The following MTUS2 variants were observed in gnomAD, a reference collection of about 807,000 sequenced individuals.
MTUS2 encodes the protein microtubule-associated tumor suppressor candidate 2.
In MTUS2, 40 loss-of-function variants were observed where a neutral mutation model predicts 114.1. That is an observed-to-expected ratio of 0.35 (90% CI 0.27 to 0.46). The LOEUF (loss-of-function observed/expected upper bound fraction) is 0.46. MTUS2 is among the 20% of genes least tolerant of loss of function. MTUS2 has a pLI of 1.00. For missense variants in MTUS2, 1,679 were observed against 1,705.4 expected, an observed-to-expected ratio of 0.98 and a Z score of 0.27; for synonymous variants, 688 against 672.0, an observed-to-expected ratio of 1.02 and a Z score of -0.37.
At chr13:28,943,478 G>T (rs1882353767) in intron 2 of MTUS2, among the ~76,000 whole-genome samples, 1 of 152,170 alleles carries the variant, frequency 6.6e-6, no homozygotes, top group African/African-American at 2.4e-5. Context: ...GTGCTGAGTT[G>T]CCAAATGTGG....
At chr13:28,917,315 T>C (rs1423128306) in intron 2 of MTUS2, among the ~76,000 whole-genome samples, 1 of 151,956 alleles carries the variant, frequency 6.6e-6, no homozygotes, top group Non-Finnish European at 1.5e-5. Context: ...CTCTCTTGTT[T>C]GGAATAGTTT....
chr13:29,343,301 G>A (rs1485740752), intron 7 of MTUS2, among the ~76,000 whole-genome samples: 3 of 151,824 alleles, frequency 2.0e-5, no homozygotes, highest in Admixed American at 6.6e-5. Context: ...TTTTCTTGTT[G>A]GCAATTTTTT....
intron 6 of MTUS2, among the ~76,000 whole-genome samples, chr13:29,324,285 C>T (rs1187811108): frequency 6.6e-6 from 1 of 152,108 alleles, no homozygotes; most frequent in African/African-American, 2.4e-5. Flanking sequence ...AAATTGGTGG[C>T]TGAGGATGTA....
chr13:29,097,089 A>G (rs1159140829), intron 4 of MTUS2, among the ~76,000 whole-genome samples: 1 of 152,110 alleles, frequency 6.6e-6, no homozygotes, highest in Non-Finnish European at 1.5e-5. Flanking sequence ...AAGATACTAT[A>G]GTCCTTGACT....
intron 9 of MTUS2, among the ~76,000 whole-genome samples, chr13:29,444,599 T>G (rs1037685629): frequency 3.9e-5 from 6 of 152,196 alleles, no homozygotes; most frequent in Admixed American, 3.9e-4. Context: ...CCTTATTAAG[T>G]ACAGTGAAGT....
At position 29,224,775 on chromosome 13, in the gene MTUS2, G is replaced by C. The variant is rs181753395; in HGVS notation, c.2645-56929G>C. ...ACAGGCTCATTTTGTTGTTGCTACT[G>C]TTTCTCTTTTTCCCACAATATTTGC... is the stretch of plus-strand genomic sequence containing the variant. On this transcript the variant is annotated intron_variant, in intron 5 of 15. Transcript: ENST00000612955. 8.5e-4 allele frequency among the ~76,000 whole-genome samples: 93 copies of C among 109,404 alleles called. 1 individual carries two copies. The South Asian group carries it at 0.024, about 28-fold the overall frequency. The allele number at this position is 109,404 out of a possible 152,430, so 71.8% of individuals were successfully genotyped here.
In MTUS2 at chr13:29,026,538, G is replaced by A; in HGVS notation, c.1840G>A (p.Gly614Arg). The change falls in exon 3 of 16, where the codon GGA (glycine) becomes AGA (arginine). Residue 614 changes from glycine (G) to arginine (R), a missense_variant. Gly to Arg is a moderately radical substitution (Grantham distance 125, BLOSUM62 -2). Transcript: ENST00000612955. Reference sequence around the variant, plus strand: ...CAAGGACACACCTTCCTCGCAGGAGGGAATGGAGAACTATCAGGTTGAAAA... The same window carrying A: ...CAAGGACACACCTTCCTCGCAGGAGAGAATGGAGAACTATCAGGTTGAAAA... Reference protein sequence around the residue: ...HSKDTPSSQEGMENYQVEKTE... With the variant: ...HSKDTPSSQERMENYQVEKTE... The A allele has an allele frequency of 6.2e-7, 1 of 1,613,936 alleles. No individual in the cohort carries two copies. Among genetic ancestry groups the A allele is most frequent in the East Asian group, 2.2e-5 (1 of 44,884 alleles).
At chr13:28,931,124 T>C (rs7324696) in intron 2 of MTUS2, among the ~76,000 whole-genome samples, 1,934 of 152,338 alleles carry the variant, frequency 0.013, 37 homozygotes, top group East Asian at 0.042. Flanking sequence ...CTCACGCTCA[T>C]TGGAGCACAC....
At chr13:29,470,637 AT>A (rs1880216526) in intron 9 of MTUS2, among the ~76,000 whole-genome samples, 1 of 152,180 alleles carries the variant, frequency 6.6e-6, no homozygotes, top group African/African-American at 2.4e-5. Context: ...CGTTCCTGTT[AT>A]CCCGTTTGAT....
At chr13:29,316,385 G>A (rs1899990073) in intron 6 of MTUS2, among the ~76,000 whole-genome samples, 4 of 152,166 alleles carry the variant, frequency 2.6e-5, no homozygotes, top group Admixed American at 2.6e-4. Context: ...GAGGTAGAAA[G>A]GTTGGGGCCA....
In MTUS2 at chr13:29,310,689, C is replaced by T. The variant is rs192580039; in HGVS notation, c.2807-13924C>T. ...CAGAAGAATGCAATTCAAATCACAGCGAGGTGTATATCCATTAGAATGGTG... is the reference window on the plus strand; with the variant it reads ...CAGAAGAATGCAATTCAAATCACAGTGAGGTGTATATCCATTAGAATGGTG... On this transcript the variant is annotated intron_variant, in intron 6 of 15. Transcript: ENST00000612955. Among the ~76,000 whole-genome samples, 204 of 152,244 alleles carry T rather than the reference C, an allele frequency of 1.3e-3. 1 individual carries two copies. The highest frequency in any genetic ancestry group is 6.5e-3 in the Admixed American group (99 of 15,294).
chr13:28,882,722 G>A (rs1296429230), intron 2 of MTUS2, among the ~76,000 whole-genome samples: 5 of 152,120 alleles, frequency 3.3e-5, no homozygotes, highest in African/African-American at 7.2e-5. Context: ...GGGTGACAGG[G>A]TGAGATCCTG....
intron 2 of MTUS2, among the ~76,000 whole-genome samples, chr13:28,997,744 T>C (rs984324590): frequency 2.6e-5 from 4 of 152,234 alleles, no homozygotes; most frequent in African/African-American, 4.8e-5. Context: ...ATTTGCTTGG[T>C]AGATCTTCCT....
At chr13:29,438,563 T>A (rs1877593418) in intron 8 of MTUS2, among the ~76,000 whole-genome samples, 2 of 152,092 alleles carry the variant, frequency 1.3e-5, no homozygotes. Flanking sequence ...TCTAATTTTA[T>A]TCCTGAGGGC....
intron 2 of MTUS2, among the ~76,000 whole-genome samples, chr13:28,846,878 A>G (rs1593242158): frequency 6.6e-6 from 1 of 152,226 alleles, no homozygotes. Context: ...TTATTTGTGA[A>G]CAGACATTAT....
intron 4 of MTUS2, among the ~76,000 whole-genome samples, chr13:29,068,981 G>A (rs912017963): frequency 1.1e-4 from 17 of 152,090 alleles, no homozygotes; most frequent in African/African-American, 3.9e-4. Flanking sequence ...GAGTAGGGTA[G>A]GGTAGGAAGG....
chr13:29,025,011 C>G lies in MTUS2; in HGVS notation c.313C>G (p.Gln105Glu). The change falls in exon 3 of 16, where the codon CAG (glutamine) becomes GAG (glutamate). Residue 105 changes from glutamine (Q) to glutamate (E), a missense_variant. Gln to Glu is a conservative substitution (Grantham distance 29). Coordinates refer to ENST00000612955, the MANE Select transcript of MTUS2 (RefSeq NM_001033602.4). ...AGATTTTAGACTTTCTTCAACCATT[C>G]AGAGGGAACTCAATGAAGAGCACAC... ...LKDFRLSSTI[Q>E]RELNEEHTVE... 6.2e-7 allele frequency: 1 copy of G among 1,613,986 alleles called. No individual in the cohort carries two copies. The highest frequency in any genetic ancestry group is 8.5e-7 in the Non-Finnish European group (1 of 1,179,904).
intron 5 of MTUS2, among the ~76,000 whole-genome samples, chr13:29,118,736 C>G (rs918575575): frequency 1.4e-4 from 22 of 152,150 alleles, no homozygotes; most frequent in African/African-American, 3.9e-4. Context: ...CTCAAAGTCT[C>G]AAGAGAGGCA....
At chr13:29,397,081 G>C (rs1873963221) in intron 8 of MTUS2, among the ~76,000 whole-genome samples, 1 of 152,122 alleles carries the variant, frequency 6.6e-6, no homozygotes, top group South Asian at 2.1e-4. Context: ...GGGCTGTTTG[G>C]ACCATATCAA....
Sources: gnomAD v4.1 joint callset for allele counts (sites outside exome capture counted in the v4.1 genomes callset) on GRCh38, gnomAD v4.1.1 for gene constraint, MANE v1.5 for transcripts, NCBI Gene and HGNC (gene_info 2026-07-23, HGNC 2026-07-21) for gene names.